SYN3: variants seen among roughly 807,000 people sequenced by gnomAD.
The protein encoded by SYN3 is synapsin III.
A neutral mutation model predicts 65.8 loss-of-function variants in SYN3; 35 were observed. The ratio of observed to expected loss-of-function variants is 0.53; its 90% CI spans 0.41 to 0.70. The LOEUF is 0.70. Ranked by LOEUF, SYN3 falls within the 30% of genes least tolerant of loss-of-function variation. SYN3 has a pLI of 0.00. For missense variants in SYN3, 680 were observed against 749.0 expected, an observed-to-expected ratio of 0.91 and a Z score of 1.08; for synonymous variants, 270 against 292.9, an observed-to-expected ratio of 0.92 and a Z score of 0.80.
At chr22:32,825,778 G>A (rs928771140) in intron 6 of SYN3, among the ~76,000 whole-genome samples, 1 of 145,754 alleles carries the variant, frequency 6.9e-6, no homozygotes, top group African/African-American at 2.5e-5. Flanking sequence ...AAACACACAA[G>A]GATGTTTATC....
At chr22:32,903,986 T>C (rs1486115677) in intron 4 of SYN3, among the ~76,000 whole-genome samples, 1 of 152,200 alleles carries the variant, frequency 6.6e-6, no homozygotes, top group Non-Finnish European at 1.5e-5. Flanking sequence ...AAATTAATAA[T>C]AATAGTAGTT....
intron 6 of SYN3, among the ~76,000 whole-genome samples, chr22:32,652,502 G>A (rs1294521439): frequency 6.6e-6 from 1 of 150,928 alleles, no homozygotes; most frequent in Non-Finnish European, 1.5e-5. Flanking sequence ...TTGGGTTTGA[G>A]GTAACAAAGT....
At chr22:32,662,705 A>G (rs2060232695) in intron 6 of SYN3, among the ~76,000 whole-genome samples, 1 of 152,112 alleles carries the variant, frequency 6.6e-6, no homozygotes, top group South Asian at 2.1e-4. Context: ...CATAATAAAT[A>G]CTCAATTACT....
intron 6 of SYN3, among the ~76,000 whole-genome samples, chr22:32,646,547 C>CT (rs200685036): frequency 6.6e-6 from 1 of 152,026 alleles, no homozygotes; most frequent in Admixed American, 6.5e-5. Context: ...TGTGCTAGAT[C>CT]TTTTTTTGGG....
At chr22:32,900,751 T>C (rs1261494718) in intron 4 of SYN3, among the ~76,000 whole-genome samples, 1 of 152,222 alleles carries the variant, frequency 6.6e-6, no homozygotes, top group Non-Finnish European at 1.5e-5. Context: ...GACCTGGACA[T>C]GTATACTATG....
chr22:32,736,913 T>C (rs2061342749), intron 6 of SYN3, among the ~76,000 whole-genome samples: 1 of 152,146 alleles, frequency 6.6e-6, no homozygotes, highest in Non-Finnish European at 1.5e-5. Context: ...TCTCCTATTC[T>C]TTTTTCACTA....
At chr22:32,641,230 G>T (rs1384444046) in intron 6 of SYN3, among the ~76,000 whole-genome samples, 3 of 152,182 alleles carry the variant, frequency 2.0e-5, no homozygotes, top group Non-Finnish European at 4.4e-5. Context: ...GAGCTCACGT[G>T]TTCAGAATGA....
At chr22:32,807,293 GATATATATATATAA>G in intron 6 of SYN3, among the ~76,000 whole-genome samples, 1 of 124,798 alleles carries the variant, frequency 8.0e-6, no homozygotes, top group Non-Finnish European at 1.6e-5. Flanking sequence ...TGGTTTGGAG[GATATATATATATAA>G]ATATATAATA....
chr22:33,005,729 C>T (rs574350643), intron 2 of SYN3, among the ~76,000 whole-genome samples: 129 of 152,338 alleles, frequency 8.5e-4, no homozygotes, highest in African/African-American at 3.0e-3. Flanking sequence ...GAGATGCACA[C>T]TCAGGCACTC....
intron 13 of SYN3, among the ~76,000 whole-genome samples, chr22:32,515,078 T>C (rs1185689122): frequency 1.3e-5 from 2 of 152,128 alleles, no homozygotes; most frequent in Admixed American, 6.5e-5. Flanking sequence ...TCCTTGCTTA[T>C]TACCCCTCAG....
chr22:32,725,344 A>T (rs12484015), intron 6 of SYN3, among the ~76,000 whole-genome samples: 29,111 of 151,880 alleles, frequency 0.19, 3,758 homozygotes, highest in East Asian at 0.59. Context: ...AGGCCATAAA[A>T]CAGGATTTAA....
At chr22:32,961,774 C>T (rs1049439787) in intron 3 of SYN3, among the ~76,000 whole-genome samples, 2 of 152,238 alleles carry the variant, frequency 1.3e-5, no homozygotes, top group African/African-American at 2.4e-5. Context: ...TTTCCCAGTT[C>T]CTCCTTTTAC....
chr22:32,615,676 G>T (rs2059509456), intron 6 of SYN3, among the ~76,000 whole-genome samples: 1 of 152,168 alleles, frequency 6.6e-6, no homozygotes, highest in Non-Finnish European at 1.5e-5. Context: ...TAAGAGGCTG[G>T]CCATGAAGCA....
chr22:33,031,593 T>G (rs1168440328), intron 1 of SYN3, among the ~76,000 whole-genome samples: 5 of 152,062 alleles, frequency 3.3e-5, no homozygotes, highest in Non-Finnish European at 7.3e-5. Flanking sequence ...CCCCCTGTCC[T>G]TTGGGTAATT....
intron 6 of SYN3, among the ~76,000 whole-genome samples, chr22:32,708,192 C>T (rs2060905413): frequency 1.3e-5 from 2 of 152,134 alleles, no homozygotes; most frequent in Admixed American, 6.5e-5. Flanking sequence ...GGTGTGGCCA[C>T]GTTGGGGGCT....
At chr22:32,712,800 C>T (rs975642020) in intron 6 of SYN3, among the ~76,000 whole-genome samples, 1 of 152,164 alleles carries the variant, frequency 6.6e-6, no homozygotes, top group African/African-American at 2.4e-5. Context: ...GTCTCTGAGC[C>T]TTTGCATGCA....
At chr22:32,589,497 T>C (rs551382682) in intron 7 of SYN3, among the ~76,000 whole-genome samples, 13 of 152,278 alleles carry the variant, frequency 8.5e-5, no homozygotes, top group South Asian at 4.1e-4. Context: ...GGTGCAAATA[T>C]CTCAGGCTAA....
intron 3 of SYN3, among the ~76,000 whole-genome samples, chr22:32,963,888 A>G (rs1023078858): frequency 2.0e-5 from 3 of 152,214 alleles, no homozygotes; most frequent in Non-Finnish European, 2.9e-5. Flanking sequence ...GTTCTGTCCA[A>G]TGAATGCAAA....
intron 7 of SYN3, among the ~76,000 whole-genome samples, chr22:32,569,447 C>T (rs1391463378): frequency 2.1e-5 from 3 of 145,920 alleles, no homozygotes; most frequent in Non-Finnish European, 3.0e-5. Context: ...ATCTATCTAT[C>T]TTCTCTATCT....
Sources: gnomAD v4.1 joint callset for allele counts (sites outside exome capture counted in the v4.1 genomes callset) on GRCh38, gnomAD v4.1.1 for gene constraint, MANE v1.5 for transcripts, NCBI Gene and HGNC (gene_info 2026-07-23, HGNC 2026-07-21) for gene names.